MARCHF8: variants seen among roughly 807,000 people sequenced by gnomAD.
MARCHF8 encodes E3 ubiquitin-protein ligase MARCHF8.
A neutral mutation model predicts 51.6 loss-of-function variants in MARCHF8; 40 were observed. The observed-to-expected ratio is 0.77, with a 90% CI of 0.60 to 1.01. The LOEUF is 1.01. MARCHF8 is among the 50% of genes least tolerant of loss of function. The pLI is 0.00. For missense variants in MARCHF8, 685 were observed against 708.6 expected (o/e 0.97, Z 0.38); for synonymous variants, 263 against 280.3 (o/e 0.94, Z 0.62).
At chr10:45,492,889 A>G (rs2043110127) in intron 2 of MARCHF8, among the ~76,000 whole-genome samples, 1 of 152,238 alleles carries the variant, frequency 6.6e-6, no homozygotes, top group African/African-American at 2.4e-5. Context: ...GAATATTTGC[A>G]TTATACTTAC....
intron 1 of MARCHF8, among the ~76,000 whole-genome samples, chr10:45,560,242 AG>A (rs2044294527): frequency 6.6e-6 from 1 of 152,228 alleles, no homozygotes; most frequent in Admixed American, 6.5e-5. Context: ...TCAGGGTGGT[AG>A]GAACAATTGC....
At chr10:45,536,870 A>ATAATAATAATAATAG (rs1554817154), upstream of MARCHF8, among the ~76,000 whole-genome samples, 54 of 147,920 alleles carry the variant, frequency 3.7e-4, no homozygotes, top group African/African-American at 1.3e-3. Flanking sequence ...AATAATAATA[A>ATAATAATAATAATAG]TAATAATAAT....
chr10:45,587,241 C>A (rs1253013822), intron 1 of MARCHF8, among the ~76,000 whole-genome samples: 1 of 152,070 alleles, frequency 6.6e-6, no homozygotes, highest in Non-Finnish European at 1.5e-5. Context: ...TTCAGAAAGG[C>A]TACAAGACAC....
intron 2 of MARCHF8, among the ~76,000 whole-genome samples, chr10:45,504,584 G>A (rs1488170657): frequency 2.0e-5 from 3 of 152,102 alleles, no homozygotes; most frequent in Non-Finnish European, 4.4e-5. Context: ...TTAGCACAAA[G>A]CTAGCACTGG....
intron 2 of MARCHF8, among the ~76,000 whole-genome samples, chr10:45,527,719 G>C (rs551855921): frequency 2.6e-5 from 4 of 152,054 alleles, no homozygotes; most frequent in African/African-American, 7.2e-5. Context: ...TGACAACACT[G>C]TTCCCCCAAA....
At chr10:45,544,114 T>A (rs546730500) in intron 1 of MARCHF8, among the ~76,000 whole-genome samples, 1 of 151,996 alleles carries the variant, frequency 6.6e-6, no homozygotes, top group East Asian at 1.9e-4. Flanking sequence ...GCTAATAAAC[T>A]CATGAAAAGA....
intron 1 of MARCHF8, among the ~76,000 whole-genome samples, chr10:45,572,765 C>G (rs2044445639): frequency 6.6e-6 from 1 of 152,014 alleles, no homozygotes; most frequent in African/African-American, 2.4e-5. Context: ...CCCATCTGAC[C>G]TCTCCCCTCC....
chr10:45,551,045 C>T (rs552823209), intron 1 of MARCHF8, among the ~76,000 whole-genome samples: 8 of 152,028 alleles, frequency 5.3e-5, no homozygotes, highest in African/African-American at 1.9e-4. Flanking sequence ...AAGGCAAGAC[C>T]GGATTTATTC....
At chr10:45,543,485 A>T (rs2044079732) in intron 1 of MARCHF8, among the ~76,000 whole-genome samples, 1 of 152,224 alleles carries the variant, frequency 6.6e-6, no homozygotes, top group Admixed American at 6.5e-5. Context: ...AAAATACTTG[A>T]CAATCATATA....
Position 45,455,545 on chromosome 10 carries a change from G to C in MARCHF8, c.*2694C>G, listed in dbSNP as rs868532172. The C allele has an allele frequency of 6.6e-5, 10 of 152,232 alleles. No homozygotes were observed. Among genetic ancestry groups the C allele is most frequent in the African/African-American group, 1.7e-4 (7 of 41,394 alleles). 9.4% of individuals were successfully genotyped at this position (152,232 alleles called of 1,614,324 possible). Reference sequence around the variant, plus strand: ...TTCACTAAACCCAGGTGCAAAATGGGGGGGGAAGGGGGGAAGCTGGGGAGT... The same window carrying C: ...TTCACTAAACCCAGGTGCAAAATGGCGGGGGAAGGGGGGAAGCTGGGGAGT... On this transcript the variant is annotated 3_prime_UTR_variant, in exon 8 of 8. Transcript: ENST00000453424.
intron 3 of MARCHF8, among the ~76,000 whole-genome samples, chr10:45,486,831 C>T (rs1377208087): frequency 2.6e-5 from 3 of 114,136 alleles, no homozygotes; most frequent in East Asian, 2.6e-4. Flanking sequence ...TTTTTTGAGA[C>T]GGAGTTTTGC....
chr10:45,489,507 A>C, intron 2 of MARCHF8, 90 bp from the exon 3 acceptor site: 1 of 1,177,248 alleles, frequency 8.5e-7, no homozygotes, highest in South Asian at 1.3e-5. Flanking sequence ...CTACTGACAA[A>C]TCATTCCCTG....
intron 2 of MARCHF8, among the ~76,000 whole-genome samples, chr10:45,522,610 A>C (rs2043725973): frequency 6.6e-6 from 1 of 152,224 alleles, no homozygotes; most frequent in African/African-American, 2.4e-5. Context: ...CCTAACTCAA[A>C]ACCAAAGCCC....
chr10:45,461,194 T>C (rs1231262823), intron 6 of MARCHF8, 37 bp downstream of exon 6: 1 of 1,418,462 alleles, frequency 7.0e-7, no homozygotes, highest in South Asian at 1.6e-5. Context: ...GGGTCACTGG[T>C]TTCAGGAAGG....
chr10:45,492,097 C>A (rs1184648625), intron 2 of MARCHF8, among the ~76,000 whole-genome samples: 1 of 152,104 alleles, frequency 6.6e-6, no homozygotes, highest in Non-Finnish European at 1.5e-5. Context: ...CTTGTTAGAA[C>A]AATTCATATT....
At chr10:45,575,505 A>ACATC (rs2044479395) in intron 1 of MARCHF8, among the ~76,000 whole-genome samples, 1 of 152,124 alleles carries the variant, frequency 6.6e-6, no homozygotes, top group Non-Finnish European at 1.5e-5. Context: ...TCCTTCAAAC[A>ACATC]ACCCCACAAT....
intron 1 of MARCHF8, 54 bp from the exon 2 acceptor site, chr10:45,533,343 T>C (rs2043920727): frequency 5.2e-6 from 6 of 1,148,628 alleles, no homozygotes. Context: ...ACTTTAAATT[T>C]CCAAGAGTGA....
intron 1 of MARCHF8, among the ~76,000 whole-genome samples, chr10:45,568,304 T>A (rs534219204): frequency 2.8e-4 from 43 of 152,352 alleles, no homozygotes; most frequent in Admixed American, 2.0e-3. Flanking sequence ...CTTCTAGTAC[T>A]GCATTGAATA....
intron 1 of MARCHF8, among the ~76,000 whole-genome samples, chr10:45,574,504 C>T (rs575128720): frequency 6.6e-6 from 1 of 152,160 alleles, no homozygotes; most frequent in South Asian, 2.1e-4. Context: ...AGCCTCTCTT[C>T]GCTTTCACTT....
Sources: gnomAD v4.1 joint callset for allele counts (sites outside exome capture counted in the v4.1 genomes callset) on GRCh38, gnomAD v4.1.1 for gene constraint, MANE v1.5 for transcripts, NCBI Gene and HGNC (gene_info 2026-07-23, HGNC 2026-07-21) for gene names.